The following STARD13 variants were observed in gnomAD, a reference collection of about 807,000 sequenced individuals.
The protein encoded by STARD13 is StAR related lipid transfer domain containing 13.
STARD13 carries 62 observed loss-of-function variants against 106.4 expected under a neutral mutation model. The observed-to-expected ratio is 0.58, with a 90% CI of 0.48 to 0.72. The LOEUF (loss-of-function observed/expected upper bound fraction) is 0.72. STARD13 is among the 30% of genes least tolerant of loss of function. The pLI, the probability that STARD13 is intolerant of heterozygous loss-of-function variation, is 0.00. For synonymous variants in STARD13, 565 were observed against 553.0 expected, an observed-to-expected ratio of 1.02 and a Z score of -0.31; for missense variants, 1,387 against 1,424.0, an observed-to-expected ratio of 0.97 and a Z score of 0.42.
intron 1 of STARD13, among the ~76,000 whole-genome samples, chr13:33,185,113 A>T (rs1159202451): frequency 6.6e-6 from 1 of 152,214 alleles, no homozygotes; most frequent in Non-Finnish European, 1.5e-5. Context: ...TTTATTTTCA[A>T]CAGCAGCCTC....
chr13:33,291,352 T>C (rs1205612634), intron 1 of STARD13, among the ~76,000 whole-genome samples: 2 of 152,244 alleles, frequency 1.3e-5, no homozygotes, highest in Non-Finnish European at 1.5e-5. Context: ...CACATGACTT[T>C]AGCCATTCAT....
chr13:33,229,490 C>T (rs1397302495), intron 1 of STARD13, among the ~76,000 whole-genome samples: 1 of 152,196 alleles, frequency 6.6e-6, no homozygotes, highest in African/African-American at 2.4e-5. Flanking sequence ...TATCTCTTGT[C>T]GAACTCAAAA....
chr13:33,260,939 T>C (rs1357007920), intron 1 of STARD13, among the ~76,000 whole-genome samples: 1 of 152,220 alleles, frequency 6.6e-6, no homozygotes, highest in Non-Finnish European at 1.5e-5. Flanking sequence ...CCGTCTTCAT[T>C]AGAGGGCATT....
At chr13:33,149,189 A>G (rs1880942533) in intron 3 of STARD13, among the ~76,000 whole-genome samples, 1 of 152,112 alleles carries the variant, frequency 6.6e-6, no homozygotes, top group African/African-American at 2.4e-5. Flanking sequence ...AATGTACACT[A>G]TGGAGAATTT....
At chr13:33,546,944 A>T in the STARD13 span, among the ~76,000 whole-genome samples, 1 of 152,188 alleles carries the variant, frequency 6.6e-6, no homozygotes, top group African/African-American at 2.4e-5. Flanking sequence ...AGCCCCTGAT[A>T]CTTGATATGG....
At chr13:33,589,883 A>C in the STARD13 span, among the ~76,000 whole-genome samples, 1 of 152,036 alleles carries the variant, frequency 6.6e-6, no homozygotes. Flanking sequence ...TGATCTGTCT[A>C]ATGTTGACAG....
chr13:33,385,519 C>CAGAGATAA, the STARD13 span, among the ~76,000 whole-genome samples: 2 of 134,740 alleles, frequency 1.5e-5, no homozygotes, highest in Admixed American at 7.4e-5. Context: ...TGTTTAAGAG[C>CAGAGATAA]AGAGATAAAG....
the STARD13 span, among the ~76,000 whole-genome samples, chr13:33,637,568 T>C: frequency 6.6e-6 from 1 of 152,234 alleles, no homozygotes. Flanking sequence ...CTCTCTGTGC[T>C]CATTGGGAAC....
chr13:33,630,385 C>A, the STARD13 span, among the ~76,000 whole-genome samples: 11 of 152,272 alleles, frequency 7.2e-5, no homozygotes, highest in African/African-American at 2.6e-4. Context: ...ACTTTCCTAG[C>A]CCCTAGGAAG....
At chr13:33,312,875 C>T (rs763353956) in intron 1 of STARD13, among the ~76,000 whole-genome samples, 23 of 152,172 alleles carry the variant, frequency 1.5e-4, no homozygotes, top group Admixed American at 4.6e-4. Context: ...CCATAAAGCA[C>T]GGTCCATTTG....
At chr13:33,647,748 CTTAGTG>C in the STARD13 span, among the ~76,000 whole-genome samples, 1 of 152,128 alleles carries the variant, frequency 6.6e-6, no homozygotes, top group Non-Finnish European at 1.5e-5. Flanking sequence ...TGAATTCTGC[CTTAGTG>C]TTTGGCAGAA....
At chr13:33,521,869 A>T in the STARD13 span, among the ~76,000 whole-genome samples, 1 of 152,190 alleles carries the variant, frequency 6.6e-6, no homozygotes, top group African/African-American at 2.4e-5. Context: ...AGATGAAAAA[A>T]AATACTATTA....
chr13:33,538,697 A>T, the STARD13 span, among the ~76,000 whole-genome samples: 1 of 152,088 alleles, frequency 6.6e-6, no homozygotes, highest in African/African-American at 2.4e-5. Flanking sequence ...ATACCAGGAA[A>T]CAGAAGAAAA....
the STARD13 span, chr13:33,659,785 TCCAAGAAAA>T: frequency 1.3e-5 from 2 of 152,286 alleles, no homozygotes; most frequent in African/African-American, 4.8e-5. Context: ...CTGTTTTTTC[TCCAAGAAAA>T]TGACATCCTG....
intron 4 of STARD13, among the ~76,000 whole-genome samples, chr13:33,133,795 T>C (rs1048132729): frequency 1.3e-5 from 2 of 152,194 alleles, no homozygotes; most frequent in African/African-American, 4.8e-5. Flanking sequence ...CAAGGGGCCA[T>C]GATCTGCAGT....
the STARD13 span, among the ~76,000 whole-genome samples, chr13:33,381,676 G>T: frequency 3.3e-5 from 5 of 152,240 alleles, no homozygotes; most frequent in African/African-American, 4.8e-5. Flanking sequence ...GGAGGCGGAG[G>T]TTGCAGTGAG....
chr13:33,142,237 G>T (rs1879926881), intron 4 of STARD13, 73 bp downstream of exon 4: 7 of 1,150,098 alleles, frequency 6.1e-6, no homozygotes, highest in Non-Finnish European at 9.2e-6. Context: ...GTCTCACTAT[G>T]TTGCTCAGAT....
chr13:33,377,762 G>A, the STARD13 span, among the ~76,000 whole-genome samples: 72,636 of 151,990 alleles, frequency 0.48, 19,465 homozygotes, highest in African/African-American at 0.72. Flanking sequence ...GCAGGAAGGT[G>A]TGTGATCACC....
chr13:33,112,005 C>G lies in STARD13; in HGVS notation c.2493-113G>C, dbSNP rs1312961964. ...ACCCAGATGCTATCCAGATCCCAGG[C>G]TTTTGCGTTTCCAAATAAAAACAAT... is the stretch of plus-strand genomic sequence containing the variant. On this transcript the variant is annotated intron_variant, in intron 9 of 13. Coordinates refer to ENST00000336934, the MANE Select transcript of STARD13 (RefSeq NM_178006.4). 4 of 634,350 alleles carry G rather than the reference C, an allele frequency of 6.3e-6. No individual in the cohort carries two copies. The African/African-American group carries it at 7.3e-5, about 12-fold the overall frequency. The allele number at this position is 634,350 out of a possible 1,614,324, so 39.3% of individuals were successfully genotyped here.
Sources: gnomAD v4.1 joint callset for allele counts (sites outside exome capture counted in the v4.1 genomes callset) on GRCh38, gnomAD v4.1.1 for gene constraint, MANE v1.5 for transcripts, NCBI Gene and HGNC (gene_info 2026-07-23, HGNC 2026-07-21) for gene names.